ROBO1: variants seen among roughly 807,000 people sequenced by gnomAD.
The protein encoded by ROBO1 is roundabout guidance receptor 1, also known as roundabout homolog 1.
ROBO1 carries 149 observed loss-of-function variants against 195.9 expected under a neutral mutation model. The ratio of observed to expected loss-of-function variants is 0.76; its 90% CI spans 0.67 to 0.87. The LOEUF (loss-of-function observed/expected upper bound fraction) is 0.87. Ranked by LOEUF, ROBO1 falls within the 40% of genes least tolerant of loss-of-function variation. The pLI, the probability that ROBO1 is intolerant of heterozygous loss-of-function variation, is 0.00. For synonymous variants in ROBO1, 816 were observed against 733.2 expected (o/e 1.11, Z -1.82); for missense variants, 1,933 against 2,068.3 (o/e 0.93, Z 1.27).
chr3:78,769,098 A>G (rs2083302854), intron 4 of ROBO1, among the ~76,000 whole-genome samples: 2 of 151,954 alleles, frequency 1.3e-5, no homozygotes, highest in Admixed American at 6.6e-5. Context: ...GGTATAGTTT[A>G]CATCCATTGT....
chr3:78,998,633 T>C (rs966896912), intron 3 of ROBO1, among the ~76,000 whole-genome samples: 2 of 152,128 alleles, frequency 1.3e-5, no homozygotes, highest in African/African-American at 2.4e-5. Context: ...AGTCTCCTGA[T>C]TGATAGTCAC....
chr3:79,526,351 T>C (rs1180837523), intron 2 of ROBO1: 1 of 152,204 alleles, frequency 6.6e-6, no homozygotes, highest in Non-Finnish European at 1.5e-5. Flanking sequence ...CTGTCTCTGT[T>C]ACTAGTTTTG....
At chr3:79,215,101 G>A (rs1394555082) in intron 2 of ROBO1, among the ~76,000 whole-genome samples, 1 of 152,056 alleles carries the variant, frequency 6.6e-6, no homozygotes, top group Non-Finnish European at 1.5e-5. Flanking sequence ...TGGACCATCT[G>A]TAGGTGGGTC....
At chr3:78,920,095 T>G (rs1202850273) in intron 4 of ROBO1, among the ~76,000 whole-genome samples, 1 of 152,212 alleles carries the variant, frequency 6.6e-6, no homozygotes, top group Non-Finnish European at 1.5e-5. Context: ...CTGCGTATTT[T>G]GCAACATACT....
chr3:79,191,293 A>T (rs1323318070), intron 2 of ROBO1, among the ~76,000 whole-genome samples: 1 of 151,450 alleles, frequency 6.6e-6, no homozygotes, highest in Admixed American at 6.6e-5. Context: ...CCATCATATT[A>T]TGTAGTATGT....
At chr3:78,949,999 AG>A (rs1214447407) in intron 3 of ROBO1, among the ~76,000 whole-genome samples, 15 of 152,196 alleles carry the variant, frequency 9.9e-5, no homozygotes, top group African/African-American at 2.7e-4. Flanking sequence ...ATCATTAAAA[AG>A]TCAGGAAACA....
At chr3:79,413,557 G>C (rs1483673403) in intron 2 of ROBO1, among the ~76,000 whole-genome samples, 1 of 152,054 alleles carries the variant, frequency 6.6e-6, no homozygotes, top group Non-Finnish European at 1.5e-5. Flanking sequence ...ATTCAGGATT[G>C]CTAGATGTTT....
Position 79,056,500 on chromosome 3 carries a change from G to T in ROBO1, c.172+68956C>A, listed in dbSNP as rs148509037. On this transcript the variant is annotated intron_variant, in intron 3 of 30. Transcript: ENST00000464233. ...TTAGGAAGGGTGGTCGATAAACAAC[G>T]TATTCAACCTCAAAAAGTTCACATT... Among the ~76,000 whole-genome samples, 50 of 152,164 alleles carry T rather than the reference G, an allele frequency of 3.3e-4. No homozygotes were observed. The East Asian group carries it at 9.5e-3, about 29-fold the overall frequency.
chr3:78,674,660 T>C (rs1708285666), intron 10 of ROBO1, among the ~76,000 whole-genome samples: 1 of 152,164 alleles, frequency 6.6e-6, no homozygotes, highest in Non-Finnish European at 1.5e-5. Flanking sequence ...GAGATTTTGT[T>C]TTTGTTTTTT....
At chr3:78,931,497 C>T (rs577029011) in intron 4 of ROBO1, among the ~76,000 whole-genome samples, 7 of 152,136 alleles carry the variant, frequency 4.6e-5, no homozygotes, top group Admixed American at 3.3e-4. Flanking sequence ...CTGCCCACCT[C>T]GGCCTCCCAA....
chr3:79,593,194 A>G (rs1283513131), intron 1 of ROBO1, among the ~76,000 whole-genome samples: 1 of 152,076 alleles, frequency 6.6e-6, no homozygotes, highest in Non-Finnish European at 1.5e-5. Flanking sequence ...AATTGTGGCA[A>G]TTATGAATAA....
At chr3:78,993,670 T>G (rs938531943) in intron 3 of ROBO1, among the ~76,000 whole-genome samples, 3 of 152,140 alleles carry the variant, frequency 2.0e-5, no homozygotes, top group African/African-American at 7.2e-5. Context: ...ATCGGGTGGC[T>G]GTGTTTTTTG....
chr3:79,618,321 T>C (rs1944890915), intron 1 of ROBO1, among the ~76,000 whole-genome samples: 1 of 152,204 alleles, frequency 6.6e-6, no homozygotes, highest in African/African-American at 2.4e-5. Flanking sequence ...GTCAGGCCTC[T>C]GAGCCCACAT....
At chr3:79,014,377 G>A (rs1340980857) in intron 3 of ROBO1, among the ~76,000 whole-genome samples, 5 of 152,182 alleles carry the variant, frequency 3.3e-5, no homozygotes, top group Non-Finnish European at 4.4e-5. Flanking sequence ...GGAGGCTGAG[G>A]CAGGAGAATC....
intron 3 of ROBO1, among the ~76,000 whole-genome samples, chr3:79,037,385 T>C (rs1335904104): frequency 6.6e-6 from 1 of 152,158 alleles, no homozygotes; most frequent in Non-Finnish European, 1.5e-5. Context: ...TCCTTATAAA[T>C]GCAACTGACA....
intron 2 of ROBO1, among the ~76,000 whole-genome samples, chr3:79,269,029 G>C (rs2030268711): frequency 1.3e-5 from 2 of 151,572 alleles, no homozygotes; most frequent in South Asian, 4.1e-4. Flanking sequence ...GCTTTCCAGA[G>C]GGTTGCATTT....
chr3:78,829,783 G>C (rs1397966687), intron 4 of ROBO1, among the ~76,000 whole-genome samples: 1 of 152,168 alleles, frequency 6.6e-6, no homozygotes, highest in East Asian at 1.9e-4. Flanking sequence ...ATACTGGTTA[G>C]AAGTTGGTTG....
intron 4 of ROBO1, among the ~76,000 whole-genome samples, chr3:78,912,382 C>G (rs886580826): frequency 1.3e-5 from 2 of 152,088 alleles, no homozygotes; most frequent in Non-Finnish European, 2.9e-5. Flanking sequence ...CCAGCTGTCT[C>G]CACTCCGTGA....
chr3:79,513,824 C>G (rs1940829344), intron 2 of ROBO1, among the ~76,000 whole-genome samples: 1 of 152,086 alleles, frequency 6.6e-6, no homozygotes, highest in Non-Finnish European at 1.5e-5. Flanking sequence ...CTATATGAAA[C>G]TTAAAAGCAA....
Sources: allele counts gnomAD v4.1 joint callset (sites outside exome capture counted in the v4.1 genomes callset), GRCh38; gene constraint gnomAD v4.1.1; transcripts MANE v1.5; gene names NCBI Gene and HGNC (gene_info 2026-07-23, HGNC 2026-07-21).